Variants in EIPR1 observed in about 807,000 individuals in gnomAD.
EIPR1 encodes the protein EARP complex and GARP complex interacting protein 1, also known as EARP and GARP complex-interacting protein 1.
EIPR1 carries 25 observed loss-of-function variants against 48.1 expected under a neutral mutation model. That is an observed-to-expected ratio of 0.52 (90% CI 0.38 to 0.73). The LOEUF is 0.73. EIPR1 is among the 30% of genes least tolerant of loss of function. The pLI, the probability that EIPR1 is intolerant of heterozygous loss-of-function variation, is 0.00. For missense variants in EIPR1, 415 were observed against 506.2 expected, an observed-to-expected ratio of 0.82 and a Z score of 1.73; for synonymous variants, 204 against 201.9, an observed-to-expected ratio of 1.01 and a Z score of -0.09.
chr2:3,225,064 G>A (rs1390003146), intron 4 of EIPR1, among the ~76,000 whole-genome samples: 1 of 152,220 alleles, frequency 6.6e-6, no homozygotes, highest in Admixed American at 6.5e-5. Context: ...CTATTTACAT[G>A]TGTGGGGGAA....
At chr2:3,314,056 C>T (rs574429390) in intron 3 of EIPR1, among the ~76,000 whole-genome samples, 5 of 152,240 alleles carry the variant, frequency 3.3e-5, no homozygotes, top group East Asian at 3.9e-4. Flanking sequence ...GAGCACCACC[C>T]GGGGAGCAAC....
At chr2:3,278,215 G>A (rs1572388933) in intron 3 of EIPR1, among the ~76,000 whole-genome samples, 2 of 152,266 alleles carry the variant, frequency 1.3e-5, no homozygotes, top group East Asian at 1.9e-4. Context: ...AGGGGGAGAC[G>A]CAGGTGGATG....
chr2:3,266,194 G>A (rs1225953508), intron 3 of EIPR1, among the ~76,000 whole-genome samples: 1 of 152,212 alleles, frequency 6.6e-6, no homozygotes, highest in Non-Finnish European at 1.5e-5. Flanking sequence ...GCTAAAGGGC[G>A]AACAATGCCC....
intron 3 of EIPR1, among the ~76,000 whole-genome samples, chr2:3,281,140 C>T (rs1188104414): frequency 2.6e-5 from 4 of 152,172 alleles, no homozygotes; most frequent in African/African-American, 4.8e-5. Flanking sequence ...CCTGGTCTTT[C>T]GGTACTCGAG....
chr2:3,316,016 C>A (rs375967116), intron 3 of EIPR1, among the ~76,000 whole-genome samples: 1 of 2,100 alleles, frequency 4.8e-4, no homozygotes. Context: ...CCATCCCCAT[C>A]CACACCCCCT....
At chr2:3,207,878 T>A (rs934257987) in intron 5 of EIPR1, 3 of 152,310 alleles carry the variant, frequency 2.0e-5, no homozygotes, top group African/African-American at 7.2e-5. Context: ...TTTATGATAT[T>A]AAAACTATGC....
rs1558263849 is a variant in EIPR1, at chr2:3,269,662, T to TCG, written c.260-12208_260-12207insCG. Among the ~76,000 whole-genome samples the TCG allele has an allele frequency of 6.6e-4, 98 of 148,152 alleles. 1 individual carries two copies. The highest frequency in any genetic ancestry group is 2.1e-3 in the African/African-American group (84 of 39,862). On this transcript the variant is annotated intron_variant, in intron 3 of 8. Coordinates refer to ENST00000382125, the MANE Select transcript of EIPR1 (RefSeq NM_003310.5). ...CACACTCAATCATCACACTCAATCA[T>TCG]CACACTCAATCATCGCAATCATCGC... is the stretch of plus-strand genomic sequence containing the variant.
At chr2:3,361,710 TC>T (rs1312959400) in intron 1 of EIPR1, among the ~76,000 whole-genome samples, 2 of 145,372 alleles carry the variant, frequency 1.4e-5, no homozygotes, top group African/African-American at 4.9e-5. Context: ...GCCCTTGGAC[TC>T]CCTCACACGG....
intron 3 of EIPR1, among the ~76,000 whole-genome samples, chr2:3,261,192 C>T (rs758307521): frequency 1.9e-4 from 29 of 152,048 alleles, no homozygotes; most frequent in Admixed American, 3.9e-4. Flanking sequence ...GGAAGCTCAA[C>T]TGGCAGAGGG....
chr2:3,362,927 A>G (rs957031750), intron 1 of EIPR1, among the ~76,000 whole-genome samples: 3 of 152,164 alleles, frequency 2.0e-5, no homozygotes, highest in African/African-American at 7.2e-5. Context: ...TACTTCCCAT[A>G]CACATGGTAG....
At chr2:3,296,803 C>T (rs1668615846) in intron 3 of EIPR1, among the ~76,000 whole-genome samples, 1 of 152,232 alleles carries the variant, frequency 6.6e-6, no homozygotes, top group Non-Finnish European at 1.5e-5. Context: ...CACTGTCCAT[C>T]CAGCCTGTCC....
chr2:3,321,066 AG>A (rs1164863312), intron 3 of EIPR1, among the ~76,000 whole-genome samples: 1 of 152,202 alleles, frequency 6.6e-6, no homozygotes, highest in African/African-American at 2.4e-5. Flanking sequence ...ACAGGGCAGG[AG>A]GCTCCACCTG....
At chr2:3,283,561 C>A (rs932006052) in intron 3 of EIPR1, among the ~76,000 whole-genome samples, 1 of 152,224 alleles carries the variant, frequency 6.6e-6, no homozygotes, top group Non-Finnish European at 1.5e-5. Context: ...GGCCAAAACT[C>A]GCCATGCCTT....
chr2:3,263,891 T>C (rs774827211), intron 3 of EIPR1, among the ~76,000 whole-genome samples: 4 of 152,274 alleles, frequency 2.6e-5, no homozygotes, highest in African/African-American at 7.2e-5. Flanking sequence ...TGTTCTGATA[T>C]GTGTATACAT....
At chr2:3,339,576 T>C (rs754996205) in intron 2 of EIPR1, among the ~76,000 whole-genome samples, 2 of 152,160 alleles carry the variant, frequency 1.3e-5, no homozygotes, top group Non-Finnish European at 2.9e-5. Flanking sequence ...GGGATGGGCC[T>C]TCAGGAATGG....
intron 3 of EIPR1, among the ~76,000 whole-genome samples, chr2:3,302,868 T>C (rs918502101): frequency 3.3e-5 from 5 of 152,030 alleles, no homozygotes; most frequent in Admixed American, 1.3e-4. Context: ...GAGGGATCAA[T>C]ACTGAGAACA....
At chr2:3,372,108 T>A (rs1477195966) in intron 1 of EIPR1, among the ~76,000 whole-genome samples, 2 of 151,172 alleles carry the variant, frequency 1.3e-5, no homozygotes, top group African/African-American at 4.9e-5. Context: ...ACATGGAAAC[T>A]GAACAACCTG....
chr2:3,291,290 A>G (rs1188814009), intron 3 of EIPR1, among the ~76,000 whole-genome samples: 1 of 152,188 alleles, frequency 6.6e-6, no homozygotes, highest in Non-Finnish European at 1.5e-5. Flanking sequence ...TGAAGAGTAC[A>G]TGGTTCTGCC....
intron 3 of EIPR1, among the ~76,000 whole-genome samples, chr2:3,324,720 G>A (rs1488955307): frequency 1.3e-5 from 2 of 152,362 alleles, no homozygotes; most frequent in African/African-American, 2.4e-5. Flanking sequence ...CAGTAGGCAG[G>A]AGGCCCGCTG....
Sources: gnomAD v4.1 joint callset for allele counts (sites outside exome capture counted in the v4.1 genomes callset) on GRCh38, gnomAD v4.1.1 for gene constraint, MANE v1.5 for transcripts, NCBI Gene and HGNC (gene_info 2026-07-23, HGNC 2026-07-21) for gene names.